The following GRIPAP1 variants were observed in gnomAD, a reference collection of about 807,000 sequenced individuals.
GRIPAP1 encodes GRIP1 associated protein 1, also known as GRIP1-associated protein 1.
A neutral mutation model predicts 84.1 loss-of-function variants in GRIPAP1; 14 were observed. The observed-to-expected ratio is 0.17, with a 90% CI of 0.11 to 0.26. The LOEUF (loss-of-function observed/expected upper bound fraction) is 0.26. Ranked by LOEUF, GRIPAP1 falls within the 10% of genes least tolerant of loss-of-function variation. The pLI is 1.00. For synonymous variants in GRIPAP1, 261 were observed against 256.8 expected (o/e 1.02, Z -0.15); for missense variants, 518 against 674.2 (o/e 0.77, Z 2.57).
In GRIPAP1 at chrX:48,993,434, C is replaced by T. The variant is rs371012296; in HGVS notation, c.451G>A (p.Val151Met). The change falls in exon 6 of 26, where the codon GTG becomes ATG. Residue 151 changes from valine (V) to methionine (M), a missense_variant. By Grantham distance (21) the Val-to-Met change is conservative. This residue lies in a region of GRIPAP1 where 372 missense variants were observed against 458.1 expected (regional missense o/e 0.81). Coordinates refer to ENST00000376423, the MANE Select transcript of GRIPAP1 (RefSeq NM_020137.5). Reference protein sequence around the residue: ...QAENTALQKNVAALQERYGKE... With the variant: ...QAENTALQKNMAALQERYGKE... ...CAGGAGGGCCTCTATGCACCTGCCA[C>T]GTTCTTCTGCAAGGCTGTGTTTTCA... 4 of 1,153,590 alleles carry T rather than the reference C, an allele frequency of 3.5e-6. No individual in the cohort carries two copies. The highest frequency in any genetic ancestry group is 1.8e-5 in the African/African-American group (1 of 54,600).
At position 48,997,354 on chromosome X, in the gene GRIPAP1, C is replaced by T. The variant is rs782469345; in HGVS notation, c.202G>A (p.Val68Ile). The T allele has an allele frequency of 1.1e-5, 12 of 1,113,394 alleles. No homozygotes were observed. The highest frequency in any genetic ancestry group is 7.3e-6 in the Non-Finnish European group (6 of 819,639). The allele number at this position is 1,113,394 out of a possible 1,213,427, so 91.8% of individuals were successfully genotyped here. ...TCATTTTCACTCAGCAATACCTCGA[C>T]TTCCTGCAGTGGCAGACAAGGGCCA... ...ALSKSKKAQE[V>I]EVLLSENEML... Residue 68 changes from valine to isoleucine, a missense_variant, in exon 5 of 26, where the codon GTC becomes ATC. Val to Ile is a conservative substitution (Grantham distance 29). Transcript: ENST00000376423.
chrX:48,990,875 G>A, intron 7 of GRIPAP1, 51 bp downstream of exon 7: 2 of 1,049,049 alleles, frequency 1.9e-6, no homozygotes, highest in Non-Finnish European at 1.3e-6. Context: ...GACAGAGGTA[G>A]AACATCTGCC....
rs1019889328 is a variant in GRIPAP1, at chrX:48,997,412, T to C, written c.199-55A>G. 1.8e-5 allele frequency: 12 copies of C among 661,098 alleles called. No individual in the cohort carries two copies. The African/African-American group carries it at 2.0e-4, about 11-fold the overall frequency. The allele number at this position is 661,098 out of a possible 1,213,427, so 54.5% of individuals were successfully genotyped here. On this transcript the variant is annotated intron_variant, in intron 4 of 25. Coordinates refer to ENST00000376423, the MANE Select transcript of GRIPAP1 (RefSeq NM_020137.5). ...AGCAAGGGCAAAAAGGATAGGGAGG[T>C]AGGGCAAAGAAACAGAGAGAGGGAG...
chrX:48,993,420 C>T lies in GRIPAP1; in HGVS notation c.457+8G>A. On this transcript the variant is annotated splice_region_variant and intron_variant, in intron 6 of 25. Coordinates refer to ENST00000376423, the MANE Select transcript of GRIPAP1 (RefSeq NM_020137.5). ...TGTCTCCGCATCCCCAGGAGGGCCTCTATGCACCTGCCACGTTCTTCTGCA... is the reference window on the plus strand; with the variant it reads ...TGTCTCCGCATCCCCAGGAGGGCCTTTATGCACCTGCCACGTTCTTCTGCA... 8.8e-7 allele frequency: 1 copy of T among 1,133,970 alleles called. No homozygotes were observed. Among genetic ancestry groups the T allele is most frequent in the South Asian group, 2.1e-5 (1 of 46,644 alleles). The allele number at this position is 1,133,970 out of a possible 1,213,427, so 93.5% of individuals were successfully genotyped here.
intron 16 of GRIPAP1, 49 bp downstream of exon 16, chrX:48,983,179 T>C (rs1157272201): frequency 5.2e-6 from 6 of 1,160,229 alleles, no homozygotes; most frequent in Non-Finnish European, 7.1e-6. Flanking sequence ...AGCAACGCTG[T>C]GGTTCCCAGG....
rs1557060334 is a variant in GRIPAP1 at position 48,975,988 on chromosome X, A to G, written c.2278+30T>C. 7 of 1,143,030 alleles carry G rather than the reference A, an allele frequency of 6.1e-6. No individual in the cohort carries two copies. The South Asian group carries it at 9.1e-5, about 15-fold the overall frequency. 94.2% of individuals were successfully genotyped at this position (1,143,030 alleles called of 1,213,427 possible). A position where few individuals can be genotyped will look rare whatever the true frequency, so the allele number is the denominator to read the frequency against. ...GGGAGGGCCAGGTGAAGGCTGGACCAGGGCTGAGGGCCGGGGAGGGGACAC... is the reference window on the plus strand; with the variant it reads ...GGGAGGGCCAGGTGAAGGCTGGACCGGGGCTGAGGGCCGGGGAGGGGACAC... On this transcript the variant is annotated intron_variant, in intron 24 of 25. Coordinates refer to ENST00000376423, the MANE Select transcript of GRIPAP1 (RefSeq NM_020137.5).
Position 48,983,972 on chromosome X carries a change from T to C in GRIPAP1, c.1177-102A>G, listed in dbSNP as rs1238596485. 51 of 553,634 alleles carry C rather than the reference T, an allele frequency of 9.2e-5. 1 individual carries two copies. The East Asian group carries it at 1.5e-3, about 17-fold the overall frequency. 45.6% of individuals were successfully genotyped at this position (553,634 alleles called of 1,213,427 possible). ...ACCATCTCCCTTCTCCCTGGTAAAG[T>C]TGGTATTGTGATCTCAATTTCTGGA... is the stretch of plus-strand genomic sequence containing the variant. On this transcript the variant is annotated intron_variant, in intron 14 of 25. Transcript: ENST00000376423.
chrX:48,987,099 C>A (rs1273053014), intron 13 of GRIPAP1, among the ~76,000 whole-genome samples: 1 of 106,432 alleles, frequency 9.4e-6, no homozygotes, highest in East Asian at 2.9e-4. Context: ...CCGCCCTCCT[C>A]GGCCTCCCAA....
intron 24 of GRIPAP1, chrX:48,975,562 G>C: frequency 2.7e-6 from 1 of 371,380 alleles, no homozygotes; most frequent in African/African-American, 2.5e-5. Context: ...AGAGCACACA[G>C]AAAGTCCTCA....
intron 13 of GRIPAP1, among the ~76,000 whole-genome samples, chrX:48,987,087 A>G (rs1481883723): frequency 9.8e-6 from 1 of 101,696 alleles, no homozygotes; most frequent in African/African-American, 3.7e-5. Context: ...ACCTCAGGTG[A>G]TCCGCCCTCC....
In GRIPAP1 at chrX:48,981,330, G is replaced by T. The variant is rs202039727; in HGVS notation, c.1831-16C>A. 19 of 1,201,648 alleles carry T rather than the reference G, an allele frequency of 1.6e-5. No individual in the cohort carries two copies. In the Admixed American group the frequency reaches 4.2e-4, roughly 26 times the overall value. ...GGTCCTTGAGCTGTGGGGGACAGGG[G>T]TAACATGAGGACTGAGGCCCAGTGG... On this transcript the variant is annotated splice_polypyrimidine_tract_variant and intron_variant, in intron 20 of 25. Transcript: ENST00000376423.
chrX:48,998,870 C>T, intron 3 of GRIPAP1: 1 of 200,210 alleles, frequency 5.0e-6, no homozygotes, highest in Admixed American at 6.8e-5. Context: ...CTCTCATTTT[C>T]CCAACTGGAC....
intron 5 of GRIPAP1, among the ~76,000 whole-genome samples, chrX:48,995,091 T>C (rs781894627): frequency 8.9e-6 from 1 of 112,315 alleles, no homozygotes; most frequent in South Asian, 3.6e-4. Flanking sequence ...TCAGTAACTA[T>C]TTGTCGAAGG....
chrX:48,974,448 C>A (rs1569519100), intron 25 of GRIPAP1, among the ~76,000 whole-genome samples, 163 bp from the exon 26 acceptor site: 2 of 112,007 alleles, frequency 1.8e-5, no homozygotes, highest in Non-Finnish European at 3.8e-5. Context: ...ACAGCACCCC[C>A]AACAGTGGGC....
intron 3 of GRIPAP1, 86 bp downstream of exon 3, chrX:48,999,152 G>A: frequency 1.6e-6 from 1 of 629,933 alleles, no homozygotes; most frequent in Non-Finnish European, 2.6e-6. Context: ...CTGGTTCACT[G>A]TAGGTGCTCA....
chrX:48,992,217 G>C (rs1461852907), intron 6 of GRIPAP1, among the ~76,000 whole-genome samples: 1 of 112,059 alleles, frequency 8.9e-6, no homozygotes, highest in East Asian at 2.8e-4. Flanking sequence ...TGTTGGCCAG[G>C]CTGGTCTTGA....
At chrX:48,980,519 A>G (rs1267299951) in intron 21 of GRIPAP1, among the ~76,000 whole-genome samples, 1 of 110,625 alleles carries the variant, frequency 9.0e-6, no homozygotes, top group African/African-American at 3.3e-5. Flanking sequence ...CAGTGAGGAG[A>G]CAGACAGAGA....
rs1557062195 is a variant in GRIPAP1, at chrX:48,981,621, A to C, written c.1748T>G (p.Leu583Arg). Reference protein sequence around the residue: ...EQAQEERDCHLKTISSLKQEV... With the variant: ...EQAQEERDCHRKTISSLKQEV... The stretch of plus-strand genomic sequence containing the variant: ...CTGCTTCAGGCTGCTAATGGTCTTC[A>C]GGTGGCAGTCCCGCTCCTCCTGGGC... Residue 583 changes from leucine (L) to arginine (R), a missense_variant, in exon 19 of 26, where the codon CTG becomes CGG. Leu to Arg is a moderately radical substitution (Grantham distance 102). Around this residue, in one of 5 missense-constraint regions of GRIPAP1, gnomAD observed 372 missense variants for 458.1 expected, o/e 0.81. Transcript: ENST00000376423. The C allele has an allele frequency of 1.7e-6, 2 of 1,206,590 alleles. No homozygotes were observed. The highest frequency in any genetic ancestry group is 4.3e-5 in the Admixed American group (2 of 46,069).
At chrX:48,997,874 A>C (rs1300208720) in intron 4 of GRIPAP1, 1 of 385,389 alleles carries the variant, frequency 2.6e-6, no homozygotes, top group Non-Finnish European at 4.5e-6. Flanking sequence ...AGACAAAGAG[A>C]AGATTGGGAA....
Sources: gnomAD v4.1 joint callset for allele counts (sites outside exome capture counted in the v4.1 genomes callset) on GRCh38, gnomAD v4.1.1 for gene constraint, gnomAD v4.1.1 regional missense constraint, MANE v1.5 for transcripts, NCBI Gene and HGNC (gene_info 2026-07-23, HGNC 2026-07-21) for gene names.